Variants in P4HA1 observed in about 807,000 individuals in gnomAD.
P4HA1 encodes the protein prolyl 4-hydroxylase subunit alpha 1.
Under a neutral mutation model 72.8 loss-of-function variants are expected in P4HA1, and 24 were observed. That is an observed-to-expected ratio of 0.33 (90% confidence interval 0.24 to 0.46). P4HA1 has a LOEUF of 0.46. Ranked by LOEUF, P4HA1 falls within the 20% of genes least tolerant of loss-of-function variation. The probability of loss-of-function intolerance (pLI) is 1.00; values close to 1 mark genes in which losing one functional copy is unlikely to be tolerated. For missense variants in P4HA1, 446 were observed against 640.6 expected, an observed-to-expected ratio of 0.70 and a Z score of 3.28; for synonymous variants, 201 against 218.8, an observed-to-expected ratio of 0.92 and a Z score of 0.72.
At chr10:73,050,278 G>A (rs928394447) in intron 7 of P4HA1, among the ~76,000 whole-genome samples, 4 of 151,760 alleles carry the variant, frequency 2.6e-5, no homozygotes, top group African/African-American at 9.7e-5. Flanking sequence ...AATGAAAAAG[G>A]TAATATTGCC....
At chr10:73,039,378 C>T (rs1840678814) in intron 9 of P4HA1, among the ~76,000 whole-genome samples, 1 of 152,146 alleles carries the variant, frequency 6.6e-6, no homozygotes, top group Non-Finnish European at 1.5e-5. Context: ...GCAATTTCAG[C>T]TCACTGCAAG....
At chr10:73,022,838 C>T (rs936807180) in intron 10 of P4HA1, among the ~76,000 whole-genome samples, 2 of 152,134 alleles carry the variant, frequency 1.3e-5, no homozygotes, top group African/African-American at 4.8e-5. Flanking sequence ...ATAAGAACGT[C>T]ATGGTGCATG....
intron 1 of P4HA1, among the ~76,000 whole-genome samples, chr10:73,094,675 T>C (rs1485507511): frequency 6.6e-6 from 1 of 152,182 alleles, no homozygotes; most frequent in Non-Finnish European, 1.5e-5. Context: ...TAAATGCCGT[T>C]TGAACTTAAT....
intron 1 of P4HA1, among the ~76,000 whole-genome samples, chr10:73,080,642 G>A (rs1242749664): frequency 6.6e-6 from 1 of 152,140 alleles, no homozygotes; most frequent in Non-Finnish European, 1.5e-5. Context: ...ATGGTTTCTA[G>A]CCGGGCATGG....
intron 5 of P4HA1, among the ~76,000 whole-genome samples, chr10:73,066,990 C>T (rs1841438566): frequency 6.6e-6 from 1 of 152,144 alleles, no homozygotes; most frequent in Admixed American, 6.5e-5. Flanking sequence ...ACCTCAGCCT[C>T]CCAAATAGCT....
intron 5 of P4HA1, among the ~76,000 whole-genome samples, chr10:73,056,709 G>C (rs1292539199): frequency 6.6e-6 from 1 of 151,954 alleles, no homozygotes; most frequent in African/African-American, 2.4e-5. Flanking sequence ...AAAAACAAAA[G>C]ACCTTCCAAA....
chr10:73,026,663 AC>A (rs1413786372), intron 10 of P4HA1, among the ~76,000 whole-genome samples: 1 of 152,246 alleles, frequency 6.6e-6, no homozygotes, highest in Non-Finnish European at 1.5e-5. Flanking sequence ...ATCAGAGTGA[AC>A]AGGCAACCTA....
At position 73,075,860 on chromosome 10, in the gene P4HA1, G is replaced by C. The variant is rs1161435112; in HGVS notation, c.-32-945C>G. On this transcript the variant is annotated intron_variant, in intron 1 of 14. Coordinates refer to ENST00000394890, the MANE Select transcript of P4HA1 (RefSeq NM_001017962.3). ...TTCTAGGGTTACAGGCGTGAGCCAC[G>C]GCACCCGGCCCATCTTTTTCCTATA... is the stretch of plus-strand genomic sequence containing the variant. Among the ~76,000 whole-genome samples, 5 of 151,852 alleles carry C rather than the reference G, an allele frequency of 3.3e-5. No homozygotes were observed. In the East Asian group the frequency reaches 9.7e-4, roughly 29 times the overall value.
At chr10:73,034,591 T>G (rs1414673141) in intron 9 of P4HA1, among the ~76,000 whole-genome samples, 2 of 151,606 alleles carry the variant, frequency 1.3e-5, no homozygotes, top group Non-Finnish European at 2.9e-5. Flanking sequence ...TGTGGTTTTT[T>G]TTTTTTTTTT....
At chr10:73,016,731 C>T (rs2394929) in intron 11 of P4HA1, 115 bp downstream of exon 11, 53,672 of 650,790 alleles carry the variant, frequency 0.082, 3,693 homozygotes, top group East Asian at 0.27. Flanking sequence ...GAGCCAAGAT[C>T]GTGCTACTGC....
intron 2 of P4HA1, among the ~76,000 whole-genome samples, chr10:73,074,311 G>A (rs1245799704): frequency 6.6e-6 from 1 of 152,012 alleles, no homozygotes; most frequent in Non-Finnish European, 1.5e-5. Context: ...GGAATCAAGA[G>A]TCATAAGTAT....
intron 9 of P4HA1, among the ~76,000 whole-genome samples, chr10:73,044,221 G>A (rs1840803106): frequency 6.6e-6 from 1 of 152,010 alleles, no homozygotes; most frequent in Non-Finnish European, 1.5e-5. Flanking sequence ...ATTTGAAGCT[G>A]TATGTAAATG....
At chr10:73,036,708 T>G (rs1313290789) in intron 9 of P4HA1, among the ~76,000 whole-genome samples, 1 of 152,132 alleles carries the variant, frequency 6.6e-6, no homozygotes, top group Non-Finnish European at 1.5e-5. Context: ...CAAAATACAT[T>G]AAGACTTTCC....
intron 10 of P4HA1, among the ~76,000 whole-genome samples, chr10:73,018,904 C>T (rs1004402686): frequency 6.6e-6 from 1 of 152,048 alleles, no homozygotes; most frequent in Non-Finnish European, 1.5e-5. Flanking sequence ...CCAATAGTGA[C>T]CCTGTACCCT....
rs551895160 is a variant in P4HA1, at chr10:73,040,097, TG to T, written c.1148+4883del. Among the ~76,000 whole-genome samples, 168 of 151,928 alleles carry T rather than the reference TG, an allele frequency of 1.1e-3. 4 individuals carry two copies. Among genetic ancestry groups the T allele is most frequent in the Admixed American group, 0.01 (158 of 15,260 alleles). On this transcript the variant is annotated intron_variant, in intron 9 of 14. Coordinates refer to ENST00000394890, the MANE Select transcript of P4HA1 (RefSeq NM_001017962.3). ...ACTATCCAGGCTGGTCTCAAGCTCC[TG>T]GGCTCAAACCATCCTCTCACCTCAG...
At chr10:73,016,140 C>G (rs187643616) in intron 11 of P4HA1, among the ~76,000 whole-genome samples, 5 of 152,138 alleles carry the variant, frequency 3.3e-5, no homozygotes, top group Non-Finnish European at 5.9e-5. Context: ...ATTCCCCGTC[C>G]TTGCCATGTG....
At chr10:73,056,666 T>C (rs1282778961) in intron 5 of P4HA1, among the ~76,000 whole-genome samples, 1 of 151,246 alleles carries the variant, frequency 6.6e-6, no homozygotes, top group African/African-American at 2.4e-5. Flanking sequence ...AAATAAAAAA[T>C]ACCCCAACAA....
Position 73,072,103 on chromosome 10 carries a change from G to A in P4HA1, c.251C>T (p.Ala84Val). 2 of 1,611,848 alleles carry A rather than the reference G, an allele frequency of 1.2e-6. No individual in the cohort carries two copies. Among genetic ancestry groups the A allele is most frequent in the Non-Finnish European group, 1.7e-6 (2 of 1,178,046 alleles). ...PEGFVGHPVNAFKLMKRLNTE... is the reference protein window; with the variant it reads ...PEGFVGHPVNVFKLMKRLNTE... ...ATTCAGACGTTTCATTAATTTGAAT[G>A]CATTTACTGGATGCCCAACAAATCC... is the stretch of plus-strand genomic sequence containing the variant. The change falls in exon 4 of 15, where the codon GCA becomes GTA. Residue 84 changes from alanine to valine, a missense_variant. Physicochemically the swap from Ala to Val is moderately conservative, Grantham distance 64. Transcript: ENST00000394890.
intron 5 of P4HA1, 102 bp from the exon 6 acceptor site, chr10:73,053,692 T>C: frequency 9.9e-7 from 1 of 1,014,086 alleles, no homozygotes; most frequent in Non-Finnish European, 1.5e-6. Context: ...CTATTTGAAG[T>C]TCACAATAAT....
Sources: allele counts gnomAD v4.1 joint callset (sites outside exome capture counted in the v4.1 genomes callset), GRCh38; gene constraint gnomAD v4.1.1; transcripts MANE v1.5; gene names NCBI Gene and HGNC (gene_info 2026-07-23, HGNC 2026-07-21).